FOCAD: variants seen among roughly 807,000 people sequenced by gnomAD.
FOCAD encodes the protein KIAA1797.
FOCAD carries 198 observed loss-of-function variants against 225.6 expected under a neutral mutation model. That is an observed-to-expected ratio of 0.88 (90% CI 0.78 to 0.99). The LOEUF is 0.99. FOCAD is among the 50% of genes least tolerant of loss of function. The probability of loss-of-function intolerance (pLI) is 0.00; values close to 1 mark genes in which losing one functional copy is unlikely to be tolerated. For missense variants in FOCAD, 2,713 were observed against 2,123.6 expected (o/e 1.28, Z -5.46); for synonymous variants, 897 against 755.0 (o/e 1.19, Z -3.08).
chr9:20,727,126 C>G (rs953113581), intron 4 of FOCAD, among the ~76,000 whole-genome samples: 2 of 152,100 alleles, frequency 1.3e-5, no homozygotes, highest in African/African-American at 2.4e-5. Flanking sequence ...TTTAAATATT[C>G]CTTTTAAGCT....
In FOCAD at chr9:20,981,663, G is replaced by A. The variant is rs1374776887; in HGVS notation, c.4615G>A (p.Asp1539Asn). 3 of 1,610,124 alleles carry A rather than the reference G, an allele frequency of 1.9e-6. No homozygotes were observed. The highest frequency in any genetic ancestry group is 1.7e-6 in the Non-Finnish European group (2 of 1,178,508). ...CTCTGAAGCTACTGGGAAAATTTTTGACCTCCTGCCAAATAAGATTCGGGT... is the reference window on the plus strand; with the variant it reads ...CTCTGAAGCTACTGGGAAAATTTTTAACCTCCTGCCAAATAAGATTCGGGT... Reference protein sequence around the residue: ...LLSEATGKIFDLLPNKIRRKD... With the variant: ...LLSEATGKIFNLLPNKIRRKD... Residue 1539 changes from aspartate to asparagine, a missense_variant, in exon 38 of 44, where the codon GAC becomes AAC. Physicochemically the swap from Asp to Asn is conservative, Grantham distance 23. Coordinates refer to ENST00000338382, the MANE Select transcript of FOCAD (RefSeq NM_001375567.1).
intron 23 of FOCAD, among the ~76,000 whole-genome samples, chr9:20,914,526 G>A (rs1587594173): frequency 6.6e-6 from 1 of 152,160 alleles, no homozygotes; most frequent in African/African-American, 2.4e-5. Context: ...AATGAGACCT[G>A]AAGGAAGTGG....
chr9:20,712,296 C>T (rs1226101775), intron 1 of FOCAD, among the ~76,000 whole-genome samples: 2 of 152,032 alleles, frequency 1.3e-5, no homozygotes, highest in African/African-American at 4.8e-5. Context: ...AAAAAAACGC[C>T]GTGGTAAGAA....
At chr9:20,889,986 T>C (rs1587518453) in intron 21 of FOCAD, among the ~76,000 whole-genome samples, 1 of 152,202 alleles carries the variant, frequency 6.6e-6, no homozygotes, top group Non-Finnish European at 1.5e-5. Flanking sequence ...TTGGACTTTT[T>C]ATTTTAATTT....
Position 20,990,150 on chromosome 9 carries a change from G to A in FOCAD, c.5032G>A (p.Ala1678Thr). Reference protein sequence around the residue: ...KALDFFLLIFATAVVAWADHT... With the variant: ...KALDFFLLIFTTAVVAWADHT... ...TTTGGACTTCTTCTTGCTGATATTT[G>A]CAACCGCAGTGGTTGCATGGGCTGA... is the stretch of plus-strand genomic sequence containing the variant. Residue 1678 changes from alanine (A) to threonine (T), a missense_variant, in exon 42 of 44, where the codon GCA becomes ACA. Coordinates refer to ENST00000338382, the MANE Select transcript of FOCAD (RefSeq NM_001375567.1). The A allele has an allele frequency of 6.2e-7, 1 of 1,614,168 alleles. No individual in the cohort carries two copies. The highest frequency in any genetic ancestry group is 8.5e-7 in the Non-Finnish European group (1 of 1,180,010).
chr9:20,697,456 G>A (rs928065836), intron 1 of FOCAD, among the ~76,000 whole-genome samples: 4 of 152,158 alleles, frequency 2.6e-5, no homozygotes, highest in African/African-American at 7.2e-5. Context: ...GCTTCATTCT[G>A]TAATCTCTCA....
In FOCAD at chr9:20,986,524, T is replaced by C. The variant is rs997630230; in HGVS notation, c.4906+59T>C. ...GAATAGATCTGCCTGCTGTTGCTTT[T>C]AAGTTGCACTTGAGTTCTCAACTTA... On this transcript the variant is annotated intron_variant, in intron 40 of 43. Transcript: ENST00000338382. 3.5e-5 allele frequency: 50 copies of C among 1,438,870 alleles called. 1 individual carries two copies. Among genetic ancestry groups the C allele is most frequent in the South Asian group, 1.7e-4 (12 of 70,558 alleles). 89.1% of individuals were successfully genotyped at this position (1,438,870 alleles called of 1,614,324 possible). A position where few individuals can be genotyped will look rare whatever the true frequency, so the allele number is the denominator to read the frequency against.
intron 22 of FOCAD, among the ~76,000 whole-genome samples, chr9:20,911,852 A>G (rs1157061562): frequency 6.6e-6 from 1 of 152,130 alleles, no homozygotes; most frequent in Non-Finnish European, 1.5e-5. Context: ...TATATCTTAG[A>G]ACTTTAAAAT....
chr9:20,665,309 G>A (rs1821866491), intron 2 of FOCAD, among the ~76,000 whole-genome samples: 1 of 152,114 alleles, frequency 6.6e-6, no homozygotes, highest in Non-Finnish European at 1.5e-5. Flanking sequence ...AATTTGCAAA[G>A]CCTTTTCTGG....
chr9:20,698,702 T>A (rs1248368958), intron 1 of FOCAD, among the ~76,000 whole-genome samples: 1 of 152,242 alleles, frequency 6.6e-6, no homozygotes, highest in Non-Finnish European at 1.5e-5. Flanking sequence ...GTGTTCATGG[T>A]TGTATGCAAA....
At chr9:20,809,299 T>C (rs192245421) in intron 11 of FOCAD, among the ~76,000 whole-genome samples, 1 of 152,352 alleles carries the variant, frequency 6.6e-6, no homozygotes, top group East Asian at 1.9e-4. Flanking sequence ...GTGAATGATC[T>C]ATAATTTGTG....
intron 18 of FOCAD, among the ~76,000 whole-genome samples, chr9:20,872,511 A>G (rs576311006): frequency 7.0e-4 from 57 of 81,768 alleles, no homozygotes; most frequent in African/African-American, 2.7e-3. Context: ...TACTCTTTTC[A>G]TTCTACTCCC....
At chr9:20,944,891 A>T (rs760740264) in intron 29 of FOCAD, 117 bp downstream of exon 29, 32 of 1,130,796 alleles carry the variant, frequency 2.8e-5, no homozygotes, top group Admixed American at 8.8e-5. Context: ...CCTCAAAGAG[A>T]AAATCTGAAT....
chr9:20,743,698 T>G (rs958242267), intron 5 of FOCAD, among the ~76,000 whole-genome samples: 1 of 152,196 alleles, frequency 6.6e-6, no homozygotes, highest in Admixed American at 6.5e-5. Context: ...CCAGAGATTC[T>G]TATTCATTCA....
chr9:20,901,733 G>T (rs1320606174), intron 21 of FOCAD, among the ~76,000 whole-genome samples: 1 of 151,828 alleles, frequency 6.6e-6, no homozygotes, highest in African/African-American at 2.4e-5. Context: ...ATTTCCTGTT[G>T]TGATAGTATT....
intron 11 of FOCAD, among the ~76,000 whole-genome samples, chr9:20,794,958 G>C (rs778989204): frequency 6.6e-6 from 1 of 151,852 alleles, no homozygotes; most frequent in Non-Finnish European, 1.5e-5. Context: ...AATTGAAAAC[G>C]AATCTAAGCA....
At chr9:20,960,400 C>A (rs1352152118) in intron 35 of FOCAD, among the ~76,000 whole-genome samples, 1 of 152,152 alleles carries the variant, frequency 6.6e-6, no homozygotes, top group Non-Finnish European at 1.5e-5. Flanking sequence ...TAGGTTTCTC[C>A]ACTATGAACT....
At chr9:20,787,867 T>G (rs1233813639) in intron 10 of FOCAD, among the ~76,000 whole-genome samples, 1 of 152,234 alleles carries the variant, frequency 6.6e-6, no homozygotes, top group Non-Finnish European at 1.5e-5. Flanking sequence ...TATCTTATAT[T>G]TTCACTTGGG....
intron 28 of FOCAD, among the ~76,000 whole-genome samples, chr9:20,944,172 T>A (rs1362411910): frequency 6.6e-6 from 1 of 152,252 alleles, no homozygotes; most frequent in Non-Finnish European, 1.5e-5. Context: ...TGCATTTATC[T>A]TCTTTGCTAT....
Sources: gnomAD v4.1 joint callset for allele counts (sites outside exome capture counted in the v4.1 genomes callset) on GRCh38, gnomAD v4.1.1 for gene constraint, MANE v1.5 for transcripts, NCBI Gene and HGNC (gene_info 2026-07-23, HGNC 2026-07-21) for gene names.